Variants in LDLRAD3 observed in about 807,000 individuals in gnomAD.
LDLRAD3 encodes low-density lipoprotein receptor class A domain-containing protein 3.
In LDLRAD3, 20 loss-of-function variants were observed where a neutral mutation model predicts 29.4. That is an observed-to-expected ratio of 0.68 (90% CI 0.48 to 0.99). The LOEUF (loss-of-function observed/expected upper bound fraction) is 0.99. Ranked by LOEUF, LDLRAD3 falls within the 50% of genes least tolerant of loss-of-function variation. The pLI, the probability that LDLRAD3 is intolerant of heterozygous loss-of-function variation, is 0.00. For missense variants in LDLRAD3, 420 were observed against 454.3 expected, an observed-to-expected ratio of 0.92 and a Z score of 0.69; for synonymous variants, 157 against 192.7, an observed-to-expected ratio of 0.81 and a Z score of 1.53.
chr11:36,150,569 C>T lies in LDLRAD3; in HGVS notation c.454+52108C>T, dbSNP rs1854263904. Among the ~76,000 whole-genome samples, 4 of 151,090 alleles carry T rather than the reference C, an allele frequency of 2.6e-5. No individual in the cohort carries two copies. In the South Asian group the frequency reaches 6.3e-4, roughly 24 times the overall value. On this transcript the variant is annotated intron_variant, in intron 4 of 5. Coordinates refer to ENST00000315571, the MANE Select transcript of LDLRAD3 (RefSeq NM_174902.4). Reference sequence around the variant, plus strand: ...AAAGGCAAGACCATCCTGGCTAACACAGTGAAACCCCATCTCTACTAAAAA... The same window carrying T: ...AAAGGCAAGACCATCCTGGCTAACATAGTGAAACCCCATCTCTACTAAAAA...
intron 4 of LDLRAD3, among the ~76,000 whole-genome samples, chr11:36,196,029 CAAA>C (rs35180520): frequency 1.4e-5 from 2 of 138,544 alleles, no homozygotes; most frequent in African/African-American, 2.7e-5. Context: ...CCCCAAAAGA[CAAA>C]AAAAAAAAAA....
intron 2 of LDLRAD3, among the ~76,000 whole-genome samples, chr11:36,064,072 G>T (rs1050204862): frequency 2.0e-5 from 3 of 152,072 alleles, no homozygotes; most frequent in Non-Finnish European, 4.4e-5. Context: ...GTTTACTTAG[G>T]TCTTCTTTAT....
intron 1 of LDLRAD3, among the ~76,000 whole-genome samples, chr11:35,952,195 T>A (rs1419640705): frequency 6.6e-6 from 1 of 152,224 alleles, no homozygotes; most frequent in African/African-American, 2.4e-5. Flanking sequence ...TAAGAGATAG[T>A]TTCAGAATTG....
chr11:36,098,347 T>G lies in LDLRAD3; in HGVS notation c.340T>G (p.Ser114Ala). The part of the protein sequence containing the change: ...ENCTANPLLC[S>A]TARYHCKNGL... ...TGCAGCAGCAAACCCTCTGCTTTGC[T>G]CCACCGCCCGCTACCACTGCAAGAA... is the stretch of plus-strand genomic sequence containing the variant. Residue 114 changes from serine to alanine, a missense_variant, in exon 4 of 6, where the codon TCC (serine) becomes GCC (alanine). Transcript: ENST00000315571. 6.2e-7 allele frequency: 1 copy of G among 1,614,124 alleles called. No individual in the cohort carries two copies. The highest frequency in any genetic ancestry group is 8.5e-7 in the Non-Finnish European group (1 of 1,180,026).
intron 2 of LDLRAD3, among the ~76,000 whole-genome samples, chr11:36,069,929 A>G (rs749403448): frequency 1.1e-4 from 17 of 152,184 alleles, no homozygotes; most frequent in Non-Finnish European, 2.1e-4. Context: ...TAAATATTAC[A>G]TTGCTTTTCC....
intron 2 of LDLRAD3, among the ~76,000 whole-genome samples, chr11:36,065,673 G>GCCTC (rs772729825): frequency 2.6e-5 from 4 of 152,212 alleles, no homozygotes. Flanking sequence ...GCCTGAAGGA[G>GCCTC]CCTCCCTCCC....
intron 2 of LDLRAD3, among the ~76,000 whole-genome samples, chr11:36,039,215 C>T (rs1274355388): frequency 2.6e-5 from 4 of 152,054 alleles, no homozygotes; most frequent in Admixed American, 2.6e-4. Context: ...GTGACCCGCC[C>T]GCCTCGGCCT....
At chr11:36,143,930 C>G (rs1464075420) in intron 4 of LDLRAD3, among the ~76,000 whole-genome samples, 1 of 131,160 alleles carries the variant, frequency 7.6e-6, no homozygotes, top group African/African-American at 2.9e-5. Flanking sequence ...CTCCCCCTCC[C>G]CCTCCCCCTC....
chr11:36,023,674 C>G (rs551936426), intron 1 of LDLRAD3, among the ~76,000 whole-genome samples: 6 of 152,052 alleles, frequency 3.9e-5, no homozygotes, highest in Non-Finnish European at 8.8e-5. Flanking sequence ...GCTATGGGGA[C>G]GATTACGAGT....
chr11:36,225,125 C>T (rs1855481792), intron 4 of LDLRAD3, among the ~76,000 whole-genome samples: 1 of 152,148 alleles, frequency 6.6e-6, no homozygotes, highest in Non-Finnish European at 1.5e-5. Flanking sequence ...TTAGCCGATG[C>T]CAGGACAGAG....
intron 1 of LDLRAD3, among the ~76,000 whole-genome samples, chr11:36,004,343 C>T (rs750855397): frequency 6.6e-6 from 1 of 152,154 alleles, no homozygotes; most frequent in Admixed American, 6.5e-5. Context: ...GCTGTAGTCC[C>T]CACACAAGTC....
chr11:36,073,088 G>A (rs768242708), intron 2 of LDLRAD3, among the ~76,000 whole-genome samples: 14 of 152,230 alleles, frequency 9.2e-5, no homozygotes, highest in Admixed American at 1.3e-4. Context: ...CTCATTGCTG[G>A]TGTTTTTGTA....
chr11:36,007,501 A>G (rs1851899903), intron 1 of LDLRAD3, among the ~76,000 whole-genome samples: 1 of 152,122 alleles, frequency 6.6e-6, no homozygotes, highest in Non-Finnish European at 1.5e-5. Flanking sequence ...TGCATACTGG[A>G]GAGAATCTGA....
intron 1 of LDLRAD3, among the ~76,000 whole-genome samples, chr11:36,021,744 T>C (rs1341257726): frequency 1.3e-5 from 2 of 152,168 alleles, no homozygotes; most frequent in Non-Finnish European, 1.5e-5. Context: ...CGGGCTCAAG[T>C]GATCCTCCCA....
At chr11:36,052,313 T>C (rs1852540823) in intron 2 of LDLRAD3, among the ~76,000 whole-genome samples, 2 of 152,244 alleles carry the variant, frequency 1.3e-5, no homozygotes, top group Admixed American at 6.5e-5. Flanking sequence ...CTTTCATGCG[T>C]ATTATCTCCT....
intron 4 of LDLRAD3, among the ~76,000 whole-genome samples, chr11:36,117,006 T>C (rs528803338): frequency 1.3e-5 from 2 of 152,174 alleles, no homozygotes; most frequent in East Asian, 1.9e-4. Context: ...CATGCCCGGC[T>C]AATTTTTGTA....
chr11:36,175,599 C>T (rs777819813), intron 4 of LDLRAD3, among the ~76,000 whole-genome samples: 30 of 152,120 alleles, frequency 2.0e-4, no homozygotes, highest in African/African-American at 6.8e-4. Context: ...TATTTAATTT[C>T]TATGTATTTG....
intron 4 of LDLRAD3, among the ~76,000 whole-genome samples, chr11:36,137,376 T>TA (rs1215999163): frequency 6.6e-6 from 1 of 152,256 alleles, no homozygotes; most frequent in Non-Finnish European, 1.5e-5. Context: ...AACCAACTTC[T>TA]AATGACATAA....
At chr11:35,999,573 C>A (rs1213491392) in intron 1 of LDLRAD3, among the ~76,000 whole-genome samples, 1 of 152,186 alleles carries the variant, frequency 6.6e-6, no homozygotes, top group African/African-American at 2.4e-5. Flanking sequence ...CCACTACTTT[C>A]TCCAGGCTTC....
Sources: gnomAD v4.1 joint callset for allele counts (sites outside exome capture counted in the v4.1 genomes callset) on GRCh38, gnomAD v4.1.1 for gene constraint, MANE v1.5 for transcripts, NCBI Gene and HGNC (gene_info 2026-07-23, HGNC 2026-07-21) for gene names.